PPM1E: variants seen among roughly 807,000 people sequenced by gnomAD.
The protein encoded by PPM1E is protein phosphatase, Mg2+/Mn2+ dependent 1E.
In PPM1E, 20 loss-of-function variants were observed where a neutral mutation model predicts 65.9. That is an observed-to-expected ratio of 0.30 (90% CI 0.21 to 0.44). The LOEUF is 0.44. Among genes scored for constraint, PPM1E ranks in the 20% least tolerant of loss-of-function variants. The pLI is 1.00. For missense variants in PPM1E, 713 were observed against 953.1 expected (o/e 0.75, Z 3.32); for synonymous variants, 352 against 374.9 (o/e 0.94, Z 0.70).
At position 58,755,921 on chromosome 17, in the gene PPM1E, A is replaced by G. The variant is rs1268779801; in HGVS notation, c.-77A>G. On this transcript the variant is annotated 5_prime_UTR_variant, in exon 1 of 7. Coordinates refer to ENST00000308249, the MANE Select transcript of PPM1E (RefSeq NM_014906.5). ...CGTTAACCGCCCTTGCCGGAGCCCTAGGCTCAAAAGCAGCCCCTTACCCTT... is the reference window on the plus strand; with the variant it reads ...CGTTAACCGCCCTTGCCGGAGCCCTGGGCTCAAAAGCAGCCCCTTACCCTT... The G allele has an allele frequency of 1.3e-6, 2 of 1,586,626 alleles. No homozygotes were observed. The highest frequency in any genetic ancestry group is 1.7e-6 in the Non-Finnish European group (2 of 1,166,264).
rs1284862056 is a variant in PPM1E, at chr17:58,816,779, TATATATATATATA to T, written c.464+60319_464+60331del. Among the ~76,000 whole-genome samples, 18 of 13,444 alleles carry T rather than the reference TATATATATATATA, an allele frequency of 1.3e-3. 1 individual carries two copies. The highest frequency in any genetic ancestry group is 8.3e-3 in the South Asian group (5 of 600). 8.8% of individuals were successfully genotyped at this position (13,444 alleles called of 152,430 possible). ...ATATATATATATATATATATATATA[TATATATATATATA>T]TATTTTTTTTTTTTTTTTTTTGAGA... On this transcript the variant is annotated intron_variant, in intron 1 of 6. Transcript: ENST00000308249.
At chr17:58,806,062 T>G (rs1361909657) in intron 1 of PPM1E, among the ~76,000 whole-genome samples, 1 of 150,764 alleles carries the variant, frequency 6.6e-6, no homozygotes, top group Non-Finnish European at 1.5e-5. Context: ...AATTCTCTCC[T>G]CCGTGTCCTG....
chr17:58,802,433 A>C (rs542722711), intron 1 of PPM1E, among the ~76,000 whole-genome samples: 129 of 152,156 alleles, frequency 8.5e-4, no homozygotes, highest in African/African-American at 3.0e-3. Flanking sequence ...TGATTACTGT[A>C]GTTCTATCAT....
At chr17:58,772,035 T>C (rs1192960804) in intron 1 of PPM1E, among the ~76,000 whole-genome samples, 1 of 152,196 alleles carries the variant, frequency 6.6e-6, no homozygotes, top group Non-Finnish European at 1.5e-5. Flanking sequence ...AGGAAATTAA[T>C]TCTTAGAGAC....
chr17:58,977,258 C>T (rs548887246), intron 6 of PPM1E, among the ~76,000 whole-genome samples: 1 of 152,018 alleles, frequency 6.6e-6, no homozygotes, highest in Non-Finnish European at 1.5e-5. Flanking sequence ...GCCTGACCAA[C>T]ATGGTGAAAC....
At chr17:58,842,471 G>A (rs575490527) in intron 1 of PPM1E, among the ~76,000 whole-genome samples, 1 of 152,186 alleles carries the variant, frequency 6.6e-6, no homozygotes, top group Non-Finnish European at 1.5e-5. Context: ...GTATGTTGGG[G>A]GGTATATGAA....
intron 1 of PPM1E, among the ~76,000 whole-genome samples, chr17:58,877,305 C>CTTTT: frequency 6.6e-6 from 1 of 152,004 alleles, no homozygotes; most frequent in South Asian, 2.1e-4. Flanking sequence ...TAAAAGAGAG[C>CTTTT]AAAAAGGAAA....
At chr17:58,767,540 TC>T (rs1159265807) in intron 1 of PPM1E, among the ~76,000 whole-genome samples, 2 of 152,356 alleles carry the variant, frequency 1.3e-5, no homozygotes, top group East Asian at 3.9e-4. Flanking sequence ...CTTAGTAGCC[TC>T]CCAACAAATT....
Position 58,980,681 on chromosome 17 carries a change from T to C in PPM1E, c.1918T>C (p.Tyr640His), listed in dbSNP as rs199649187. The C allele has an allele frequency of 8.7e-5, 140 of 1,614,062 alleles. No homozygotes were observed. The highest frequency in any genetic ancestry group is 1.1e-4 in the Non-Finnish European group (127 of 1,180,040). Residue 640 changes from tyrosine to histidine, a missense_variant, in exon 7 of 7, where the codon TAC becomes CAC. By Grantham distance (83) the Tyr-to-His change is moderately conservative. Transcript: ENST00000308249. The surrounding 1 kb of genome is among the most constrained non-coding windows in gnomAD (Gnocchi z 4.7). ...FNLGSTGEQI[Y>H]RMQSLSPVCS... ...TTTGGGTTCAACAGGGGAGCAGATA[T>C]ACAGAATGCAGAGCTTGTCTCCTGT...
chr17:58,867,300 G>A (rs550825756), intron 1 of PPM1E, among the ~76,000 whole-genome samples: 33 of 152,212 alleles, frequency 2.2e-4, no homozygotes, highest in African/African-American at 7.5e-4. Context: ...TTTTCAAAAC[G>A]CAAAAATCAT....
chr17:58,756,380 C>T lies in PPM1E; in HGVS notation c.383C>T (p.Pro128Leu). Residue 128 changes from proline (P) to leucine (L), a missense_variant, in exon 1 of 7, where the codon CCG becomes CTG. Physicochemically the swap from Pro to Leu is moderately conservative, Grantham distance 98. Coordinates refer to ENST00000308249, the MANE Select transcript of PPM1E (RefSeq NM_014906.5). ...CAGCTGCCGCCTTTGCCCCCGCTCC[C>T]GCGACCGCTGTCAGAGCGCATCACC... is the stretch of plus-strand genomic sequence containing the variant. ...PPQLPPLPPL[P>L]RPLSERITRE... 2.2e-6 allele frequency: 3 copies of T among 1,372,788 alleles called. No homozygotes were observed. Among genetic ancestry groups the T allele is most frequent in the Admixed American group, 3.7e-5 (1 of 27,384 alleles). The allele number at this position is 1,372,788 out of a possible 1,614,324, so 85.0% of individuals were successfully genotyped here.
Position 58,865,375 on chromosome 17 carries a change from ACT to A in PPM1E, c.465-90271_465-90270del, listed in dbSNP as rs202209900. On this transcript the variant is annotated intron_variant, in intron 1 of 6. Coordinates refer to ENST00000308249, the MANE Select transcript of PPM1E (RefSeq NM_014906.5). Reference sequence around the variant, plus strand: ...CACTCCAGCCTGGTGACAGAGTGAGACTCTGTCTCCAAAACAAAAACAAAAAC... The same window carrying A: ...CACTCCAGCCTGGTGACAGAGTGAGACTGTCTCCAAAACAAAAACAAAAAC... 6.6e-3 allele frequency among the ~76,000 whole-genome samples: 982 copies of A among 148,066 alleles called. 6 individuals carry two copies. The highest frequency in any genetic ancestry group is 0.023 in the African/African-American group (919 of 39,804).
chr17:58,819,644 C>G (rs1256673904), intron 1 of PPM1E, among the ~76,000 whole-genome samples: 1 of 151,922 alleles, frequency 6.6e-6, no homozygotes, highest in African/African-American at 2.4e-5. Flanking sequence ...GGGGAGGCCT[C>G]AGGAAATGTA....
intron 1 of PPM1E, among the ~76,000 whole-genome samples, chr17:58,804,383 A>G (rs1463449383): frequency 6.6e-6 from 1 of 152,246 alleles, no homozygotes; most frequent in Non-Finnish European, 1.5e-5. Flanking sequence ...GTAATACATT[A>G]AAACAGATAA....
rs1316625031 is a variant in PPM1E, at chr17:58,980,294, G to A, written c.1531G>A (p.Gly511Arg). 6.2e-7 allele frequency: 1 copy of A among 1,614,168 alleles called. No homozygotes were observed. Among genetic ancestry groups the A allele is most frequent in the South Asian group, 1.1e-5 (1 of 91,090 alleles). Residue 511 changes from glycine (G) to arginine (R), a missense_variant, in exon 7 of 7, where the codon GGG (glycine) becomes AGG (arginine). Coordinates refer to ENST00000308249, the MANE Select transcript of PPM1E (RefSeq NM_014906.5). This position sits in a 1 kb window ranked among gnomAD's most constrained non-coding sequence, Gnocchi z 4.7. ...TTGGACAGAGAACTCTTTTCAAGGA[G>A]GGCAAGAAGATGGTGGGGATGATAA... ...SDWTENSFQGGQEDGGDDKEN... is the reference protein window; with the variant it reads ...SDWTENSFQGRQEDGGDDKEN...
chr17:58,905,942 A>G (rs1286521865), intron 1 of PPM1E, among the ~76,000 whole-genome samples: 3 of 152,118 alleles, frequency 2.0e-5, no homozygotes, highest in South Asian at 2.1e-4. Context: ...CAGTGAACCT[A>G]TCTGGTTTTG....
chr17:58,865,259 C>T (rs149229908), intron 1 of PPM1E, among the ~76,000 whole-genome samples: 287 of 152,028 alleles, frequency 1.9e-3, no homozygotes, highest in African/African-American at 6.5e-3. Context: ...TGGTGGCAGG[C>T]GCCTGTAGTC....
intron 1 of PPM1E, among the ~76,000 whole-genome samples, chr17:58,881,307 C>CA (rs1307296961): frequency 1.3e-5 from 2 of 151,958 alleles, no homozygotes; most frequent in Non-Finnish European, 1.5e-5. Context: ...GCAGGTGGAT[C>CA]GCCTTGAGCC....
chr17:58,802,343 T>C (rs1182335548), intron 1 of PPM1E, among the ~76,000 whole-genome samples: 1 of 152,140 alleles, frequency 6.6e-6, no homozygotes, highest in Admixed American at 6.6e-5. Context: ...GTTGACCATA[T>C]AGGTTTGGGT....
Sources: gnomAD v4.1 joint callset for allele counts (sites outside exome capture counted in the v4.1 genomes callset) on GRCh38, gnomAD v4.1.1 for gene constraint, Gnocchi (gnomAD v3.1) non-coding constraint, MANE v1.5 for transcripts, NCBI Gene and HGNC (gene_info 2026-07-23, HGNC 2026-07-21) for gene names.